Variants in HOXC5 observed in about 807,000 individuals in gnomAD.
The protein encoded by HOXC5 is homeobox protein Hox-C5.
Under a neutral mutation model 20.1 loss-of-function variants are expected in HOXC5, and 19 were observed. The observed-to-expected ratio is 0.94, with a 90% CI of 0.66 to 1.38. The LOEUF is 1.38. HOXC5 is among the 40% of genes most tolerant of loss of function. The pLI, the probability that HOXC5 is intolerant of heterozygous loss-of-function variation, is 0.00. For synonymous variants in HOXC5, 124 were observed against 117.0 expected, an observed-to-expected ratio of 1.06 and a Z score of -0.39; for missense variants, 330 against 300.1, an observed-to-expected ratio of 1.10 and a Z score of -0.74.
At chr12:54,034,131 TGGCCCGCCTGC>T in intron 1 of HOXC5, 136 bp from the exon 2 acceptor site, 1 of 786,928 alleles carries the variant, frequency 1.3e-6, no homozygotes, top group Non-Finnish European at 2.2e-6. Flanking sequence ...TGGGCTGGGC[TGGCCCGCCTGC>T]GGCCCGCGTG....
chr12:54,031,445 G>A (rs1336106194), upstream of HOXC5, among the ~76,000 whole-genome samples: 1 of 152,188 alleles, frequency 6.6e-6, no homozygotes, highest in Non-Finnish European at 1.5e-5. Context: ...TGACGTGGCC[G>A]GGACAAAATT....
upstream of HOXC5, chr12:54,032,924 C>T: frequency 1.9e-6 from 1 of 538,478 alleles, no homozygotes; most frequent in African/African-American, 1.9e-5. Context: ...GGTCATCAAG[C>T]CAAATTTATG....
At chr12:54,034,222 G>T in intron 1 of HOXC5, 56 bp from the exon 2 acceptor site, 1 of 1,500,160 alleles carries the variant, frequency 6.7e-7, no homozygotes, top group South Asian at 1.1e-5. Flanking sequence ...GTGGGGACGG[G>T]GGAACGCTGC....
chr12:54,019,344 A>G, the HOXC5 span, among the ~76,000 whole-genome samples: 12 of 152,268 alleles, frequency 7.9e-5, no homozygotes, highest in Non-Finnish European at 1.5e-4. Context: ...GGCACGGCCC[A>G]GTGGCTGATG....
the HOXC5 span, among the ~76,000 whole-genome samples, chr12:54,023,657 G>T: frequency 9.9e-4 from 150 of 152,184 alleles, no homozygotes; most frequent in African/African-American, 3.5e-3. Context: ...CAACTGGTCA[G>T]CCCGGGCCCT....
intron 1 of HOXC5, 36 bp downstream of exon 1, chr12:54,033,612 C>G (rs1027941572): frequency 3.4e-6 from 5 of 1,485,848 alleles, no homozygotes; most frequent in Admixed American, 4.4e-5. Context: ...CTCTCGGGTC[C>G]GCCTGGGTTT....
chr12:54,018,130 C>G, the HOXC5 span, among the ~76,000 whole-genome samples: 1 of 152,064 alleles, frequency 6.6e-6, no homozygotes, highest in Non-Finnish European at 1.5e-5. Flanking sequence ...GTGGGAGGTG[C>G]CCTGCGTTGG....
chr12:54,019,136 T>G, the HOXC5 span, among the ~76,000 whole-genome samples: 2 of 146,818 alleles, frequency 1.4e-5, no homozygotes, highest in Admixed American at 6.8e-5. Flanking sequence ...TCTGAGGTAT[T>G]CTCCCGCGGG....
chr12:54,031,920 C>T (rs955864196), upstream of HOXC5, among the ~76,000 whole-genome samples: 19 of 152,208 alleles, frequency 1.2e-4, no homozygotes, highest in African/African-American at 4.6e-4. Flanking sequence ...TCTTGTGAAC[C>T]TTATGGATTC....
chr12:54,029,998 C>T (rs1374635843), upstream of HOXC5: 1 of 1,466,448 alleles, frequency 6.8e-7, no homozygotes, highest in Non-Finnish European at 9.1e-7. Context: ...CTCCCTTTCT[C>T]CCTCGCTCCC....
chr12:54,019,722 T>C, the HOXC5 span, among the ~76,000 whole-genome samples: 3 of 152,120 alleles, frequency 2.0e-5, no homozygotes, highest in South Asian at 4.1e-4. Flanking sequence ...CTCTTAATCC[T>C]AGAACGACCT....
chr12:54,029,906 C>A (rs1163089151), upstream of HOXC5: 1 of 1,608,820 alleles, frequency 6.2e-7, no homozygotes, highest in Non-Finnish European at 8.5e-7. Context: ...CGCCGACAGC[C>A]TGGGCGGAAA....
chr12:54,027,092 C>G, the HOXC5 span, among the ~76,000 whole-genome samples: 1 of 152,212 alleles, frequency 6.6e-6, no homozygotes, highest in African/African-American at 2.4e-5. Flanking sequence ...GAGAAAACCC[C>G]CATCTGCACA....
upstream of HOXC5, chr12:54,029,875 G>A: frequency 1.2e-6 from 2 of 1,612,668 alleles, no homozygotes; most frequent in South Asian, 1.1e-5. Context: ...CCACTCTCTC[G>A]GGGGGCGGCG....
At chr12:54,028,646 C>T (rs1056300066), upstream of HOXC5, 6 of 1,613,972 alleles carry the variant, frequency 3.7e-6, no homozygotes, top group Non-Finnish European at 5.1e-6. Context: ...ACCTATGGAG[C>T]GGCCGTTGCC....
chr12:54,022,555 T>C, the HOXC5 span: 6 of 152,156 alleles, frequency 3.9e-5, no homozygotes, highest in African/African-American at 1.4e-4. Context: ...AATGGTTCTT[T>C]CAGATCTGCA....
At chr12:54,028,899 G>A, upstream of HOXC5, 2 of 1,611,420 alleles carry the variant, frequency 1.2e-6, no homozygotes, top group Non-Finnish European at 1.7e-6. Flanking sequence ...ACCCCTGGAT[G>A]CAGCGAATGA....
upstream of HOXC5, chr12:54,032,881 C>T (rs1941040906): frequency 3.3e-6 from 1 of 301,814 alleles, no homozygotes; most frequent in African/African-American, 2.2e-5. Flanking sequence ...TATCGAGATG[C>T]TTTTCGCCGG....
the HOXC5 span, among the ~76,000 whole-genome samples, chr12:54,027,650 C>A: frequency 1.3e-5 from 2 of 151,878 alleles, no homozygotes; most frequent in African/African-American, 4.8e-5. Context: ...ATTTTTTATA[C>A]ATTTTCCCTT....
Sources: gnomAD v4.1 joint callset for allele counts (sites outside exome capture counted in the v4.1 genomes callset) on GRCh38, gnomAD v4.1.1 for gene constraint, MANE v1.5 for transcripts, NCBI Gene and HGNC (gene_info 2026-07-23, HGNC 2026-07-21) for gene names.